PHF21A: variants seen among roughly 807,000 people sequenced by gnomAD.
PHF21A encodes PHD finger protein 21A.
PHF21A carries 11 observed loss-of-function variants against 82.5 expected under a neutral mutation model. The observed-to-expected ratio is 0.13, with a 90% CI of 0.08 to 0.22. The LOEUF (loss-of-function observed/expected upper bound fraction) is 0.22. PHF21A is among the 10% of genes least tolerant of loss of function. The pLI, the probability that PHF21A is intolerant of heterozygous loss-of-function variation, is 1.00. For missense variants in PHF21A, 579 were observed against 837.8 expected (o/e 0.69, Z 3.81); for synonymous variants, 297 against 302.8 (o/e 0.98, Z 0.20).
intron 6 of PHF21A, among the ~76,000 whole-genome samples, chr11:46,068,121 T>C (rs865940463): frequency 2.6e-5 from 4 of 152,104 alleles, no homozygotes; most frequent in Admixed American, 2.6e-4. Context: ...TGTATGAGAA[T>C]GAGTTGCTAA....
intron 2 of PHF21A, among the ~76,000 whole-genome samples, chr11:46,091,327 C>A (rs969128097): frequency 6.6e-6 from 1 of 152,058 alleles, no homozygotes; most frequent in Non-Finnish European, 1.5e-5. Flanking sequence ...AATACACACT[C>A]TCCTAATAAA....
intron 15 of PHF21A, among the ~76,000 whole-genome samples, chr11:45,940,958 G>C (rs1448964382): frequency 1.3e-5 from 2 of 152,140 alleles, no homozygotes; most frequent in Non-Finnish European, 2.9e-5. Context: ...ATTTATTTAA[G>C]TTCCCAAAGG....
At chr11:45,946,265 G>C (rs2091276230) in intron 14 of PHF21A, among the ~76,000 whole-genome samples, 1 of 152,218 alleles carries the variant, frequency 6.6e-6, no homozygotes, top group South Asian at 2.1e-4. Flanking sequence ...GGCTTATGTA[G>C]AAAGACCTCA....
chr11:46,056,706 G>A (rs777099713), intron 6 of PHF21A, among the ~76,000 whole-genome samples: 6 of 151,960 alleles, frequency 3.9e-5, no homozygotes, highest in Non-Finnish European at 7.4e-5. Flanking sequence ...AGGATTTAGC[G>A]GCAGAAATAC....
At chr11:46,085,937 A>C (rs1339139897) in intron 3 of PHF21A, among the ~76,000 whole-genome samples, 3 of 152,166 alleles carry the variant, frequency 2.0e-5, no homozygotes, top group Non-Finnish European at 4.4e-5. Flanking sequence ...TCAAACCTAA[A>C]AAAGAATAAA....
chr11:46,012,219 C>A (rs772775116), intron 6 of PHF21A, among the ~76,000 whole-genome samples: 2 of 152,196 alleles, frequency 1.3e-5, no homozygotes, highest in Non-Finnish European at 2.9e-5. Flanking sequence ...AGAAAGTATT[C>A]AAATCTTTGT....
At chr11:46,112,857 G>A (rs759482092) in intron 1 of PHF21A, among the ~76,000 whole-genome samples, 1 of 152,064 alleles carries the variant, frequency 6.6e-6, no homozygotes, top group African/African-American at 2.4e-5. Context: ...GACCTGTATC[G>A]CCACATGCAT....
At position 45,935,648 on chromosome 11, in the gene PHF21A, G is replaced by T; in HGVS notation, c.1776C>A (p.Ser592Arg). The T allele has an allele frequency of 2.7e-6, 4 of 1,484,246 alleles. No homozygotes were observed. The highest frequency in any genetic ancestry group is 3.8e-6 in the Non-Finnish European group (4 of 1,064,870). 91.9% of individuals were successfully genotyped at this position (1,484,246 alleles called of 1,614,324 possible). ...EQLEQKVKQL[S>R]NSISKCMEMK... Reference sequence around the variant, plus strand: ...GAGGTTTACTTACACTTATGGAATTGCTGAGCTGTTTCACCTTTTGCTCTA... The same window carrying T: ...GAGGTTTACTTACACTTATGGAATTTCTGAGCTGTTTCACCTTTTGCTCTA... Residue 592 changes from serine (S) to arginine (R), a missense_variant, in exon 18 of 19, where the codon AGC becomes AGA. Physicochemically the swap from Ser to Arg is moderately radical, Grantham distance 110 (BLOSUM62 -1). Coordinates refer to ENST00000676320, the MANE Select transcript of PHF21A (RefSeq NM_001352027.3).
intron 1 of PHF21A, among the ~76,000 whole-genome samples, chr11:46,112,966 A>C (rs2097236929): frequency 6.6e-6 from 1 of 152,252 alleles, no homozygotes; most frequent in Non-Finnish European, 1.5e-5. Context: ...AATCTAAGGT[A>C]AACTAAAACA....
chr11:46,035,746 G>A (rs143561777), intron 6 of PHF21A, among the ~76,000 whole-genome samples: 2 of 152,274 alleles, frequency 1.3e-5, no homozygotes, highest in African/African-American at 2.4e-5. Flanking sequence ...TCAGAAGGGA[G>A]ACCAGTAAGT....
At position 45,930,494 on chromosome 11, in the gene PHF21A, G is replaced by C. The variant is rs1047022039; in HGVS notation, c.*3474C>G. On this transcript the variant is annotated 3_prime_UTR_variant, in exon 19 of 19. Transcript: ENST00000676320. ...CCCAAAGGGCCTGATAAGGAAGGAA[G>C]AAATCAAAACCCCAGAGGAGCTCAG... 1 of 152,450 alleles carries C rather than the reference G, an allele frequency of 6.6e-6. No individual in the cohort carries two copies. Among genetic ancestry groups the C allele is most frequent in the East Asian group, 1.9e-4 (1 of 5,204 alleles). The allele number at this position is 152,450 out of a possible 1,614,324, so 9.4% of individuals were successfully genotyped here.
intron 6 of PHF21A, among the ~76,000 whole-genome samples, chr11:46,065,016 C>T (rs1441979595): frequency 2.0e-5 from 3 of 152,170 alleles, no homozygotes; most frequent in Admixed American, 6.6e-5. Context: ...CATGCATATA[C>T]CTTTAGATAT....
At chr11:46,092,759 CTT>C (rs10681499) in intron 1 of PHF21A, among the ~76,000 whole-genome samples, 1 of 135,630 alleles carries the variant, frequency 7.4e-6, no homozygotes, top group Non-Finnish European at 1.5e-5. Flanking sequence ...TGTGTCTCAC[CTT>C]TTTTTTTTTT....
intron 1 of PHF21A, among the ~76,000 whole-genome samples, chr11:46,095,840 T>C (rs928151076): frequency 6.6e-6 from 1 of 152,214 alleles, no homozygotes; most frequent in Non-Finnish European, 1.5e-5. Flanking sequence ...ATTAAGTTTA[T>C]AGCCTGTGCT....
rs1200779096 is a variant in PHF21A at position 45,986,753 on chromosome 11, A to C, written c.154-6787T>G. ...AAAAAGGGATAGTAACTAATGAATG[A>C]CACAATTTGTCTAGTATGAATTTTT... On this transcript the variant is annotated intron_variant, in intron 6 of 18. Coordinates refer to ENST00000676320, the MANE Select transcript of PHF21A (RefSeq NM_001352027.3). Among the ~76,000 whole-genome samples the C allele has an allele frequency of 2.6e-5, 4 of 152,228 alleles. No individual in the cohort carries two copies. The East Asian group carries it at 7.7e-4, about 29-fold the overall frequency.
chr11:46,082,133 T>C (rs2096799350), intron 4 of PHF21A, among the ~76,000 whole-genome samples: 1 of 152,222 alleles, frequency 6.6e-6, no homozygotes, highest in African/African-American at 2.4e-5. Context: ...TATGTGTACA[T>C]TGCTACTTTC....
chr11:46,095,943 C>G (rs559905470), intron 1 of PHF21A, among the ~76,000 whole-genome samples: 15 of 152,296 alleles, frequency 9.8e-5, no homozygotes, highest in African/African-American at 3.4e-4. Context: ...GATTCAATCT[C>G]TTCTCTTCCC....
At chr11:46,048,632 T>C (rs2096293668) in intron 6 of PHF21A, among the ~76,000 whole-genome samples, 1 of 151,958 alleles carries the variant, frequency 6.6e-6, no homozygotes, top group Admixed American at 6.6e-5. Flanking sequence ...TAGCCGGGCA[T>C]GGTGGCATAC....
chr11:45,964,404 T>C (rs1050290230), intron 10 of PHF21A, among the ~76,000 whole-genome samples: 2 of 152,100 alleles, frequency 1.3e-5, no homozygotes, highest in Non-Finnish European at 2.9e-5. Context: ...ACCCTATGCA[T>C]AGGTTCCTCT....
Sources: gnomAD v4.1 joint callset for allele counts (sites outside exome capture counted in the v4.1 genomes callset) on GRCh38, gnomAD v4.1.1 for gene constraint, MANE v1.5 for transcripts, NCBI Gene and HGNC (gene_info 2026-07-23, HGNC 2026-07-21) for gene names.